Variants in ZNF853 observed in about 807,000 individuals in gnomAD.
ZNF853 encodes the protein zinc finger protein 853.
Under a neutral mutation model 94.7 loss-of-function variants are expected in ZNF853, and 57 were observed. The observed-to-expected ratio is 0.60, with a 90% confidence interval of 0.49 to 0.75. The LOEUF (loss-of-function observed/expected upper bound fraction) is 0.75. Among genes scored for constraint, ZNF853 ranks in the 30% least tolerant of loss-of-function variants. ZNF853 has a pLI of 0.00. For missense variants in ZNF853, 785 were observed against 868.9 expected, an observed-to-expected ratio of 0.90 and a Z score of 1.21; for synonymous variants, 448 against 406.3, an observed-to-expected ratio of 1.10 and a Z score of -1.23.
At position 6,616,034 on chromosome 7, in the gene ZNF853, AGCCCCCGGGGTGGCCCTGC is replaced by A. The variant is rs1782498454; in HGVS notation, c.-137_-119del. On this transcript the variant is annotated 5_prime_UTR_variant, in exon 1 of 3. Transcript: ENST00000457543. ...CGTGGACCCTCCGGAGTGCCCAGAA[AGCCCCCGGGGTGGCCCTGC>A]GCCTCCTGGCTCTTTCTGGATGGAG... is the stretch of plus-strand genomic sequence containing the variant. The A allele has an allele frequency of 5.5e-6, 4 of 720,726 alleles. No homozygotes were observed. In the East Asian group the frequency reaches 1.2e-4, roughly 21 times the overall value. The allele number at this position is 720,726 out of a possible 1,614,324, so 44.6% of individuals were successfully genotyped here. A position where few individuals can be genotyped will look rare whatever the true frequency, so the allele number is the denominator to read the frequency against.
At position 6,622,241 on chromosome 7, in the gene ZNF853, C is replaced by T; in HGVS notation, c.1250C>T (p.Pro417Leu). ...VQPELQLELV[P>L]AAGGGGAAVP... ...CCGGAGCTGCAGCTGGAACTGGTGC[C>T]AGCCGCAGGGGGCGGCGGAGCGGCG... Residue 417 changes from proline (P) to leucine (L), a missense_variant, in exon 3 of 3, where the codon CCA (proline) becomes CTA (leucine). Transcript: ENST00000457543. 1 of 1,526,478 alleles carries T rather than the reference C, an allele frequency of 6.6e-7. No individual in the cohort carries two copies. The highest frequency in any genetic ancestry group is 8.8e-7 in the Non-Finnish European group (1 of 1,140,496). The allele number at this position is 1,526,478 out of a possible 1,614,324, so 94.6% of individuals were successfully genotyped here.
In ZNF853 at chr7:6,621,122, G is replaced by T. The variant is rs542369862; in HGVS notation, c.131G>T (p.Gly44Val). Residue 44 changes from glycine to valine, a missense_variant and splice_region_variant, in exon 3 of 3, where the codon GGT (glycine) becomes GTT (valine). Gly to Val is a moderately radical substitution (Grantham distance 109). Transcript: ENST00000457543. ...DGGPGPDTLS[G>V]GSGGSESQEE... ...TGGCTTCCTGCCATTTCTTCCACAG[G>T]TGGCAGCGGTGGGAGCGAGAGTCAG... 6.8e-7 allele frequency: 1 copy of T among 1,462,898 alleles called. No homozygotes were observed. Among genetic ancestry groups the T allele is most frequent in the South Asian group, 1.5e-5 (1 of 68,130 alleles). The allele number at this position is 1,462,898 out of a possible 1,614,324, so 90.6% of individuals were successfully genotyped here.
At position 6,616,187 on chromosome 7, in the gene ZNF853, G is replaced by C. The variant is rs1475613990; in HGVS notation, c.12+1G>C. 6.5e-7 allele frequency: 1 copy of C among 1,548,056 alleles called. No homozygotes were observed. The highest frequency in any genetic ancestry group is 8.7e-7 in the Non-Finnish European group (1 of 1,144,968). ...CCGGGAGCAGGAAATGCTCCACCAG[G>C]TGAGGCCCAGGGGGTCGTTGGCGCT... is the stretch of plus-strand genomic sequence containing the variant. On this transcript the variant is annotated splice_donor_variant, in intron 1 of 2. Coordinates refer to ENST00000457543, the MANE Select transcript of ZNF853 (RefSeq NM_017560.3). LOFTEE classifies it high-confidence loss of function.
rs1373213637 is a variant in ZNF853 at position 6,615,775 on chromosome 7, G to C, written c.-400G>C. The stretch of plus-strand genomic sequence containing the variant: ...GGGCACCTGTAGCCCCCGAGGACCC[G>C]CGTCGCCTGGCCGCCGCCGACCCCA... On this transcript the variant is annotated 5_prime_UTR_variant, in exon 1 of 3. Coordinates refer to ENST00000457543, the MANE Select transcript of ZNF853 (RefSeq NM_017560.3). This position sits in a 1 kb window ranked among gnomAD's most constrained non-coding sequence, Gnocchi z 8.5. 1 of 123,944 alleles carries C rather than the reference G, an allele frequency of 8.1e-6. No homozygotes were observed. The highest frequency in any genetic ancestry group is 3.0e-5 in the African/African-American group (1 of 33,144). The allele number at this position is 123,944 out of a possible 1,614,324, so 7.7% of individuals were successfully genotyped here. A position where few individuals can be genotyped will look rare whatever the true frequency, so the allele number is the denominator to read the frequency against.
Position 6,622,788 on chromosome 7 carries a change from C to A in ZNF853, c.1797C>A (p.Cys599Ter). 4 of 1,538,612 alleles carry A rather than the reference C, an allele frequency of 2.6e-6. No homozygotes were observed. The highest frequency in any genetic ancestry group is 3.5e-6 in the Non-Finnish European group (4 of 1,146,162). The change falls in exon 3 of 3, where the codon TGC becomes TGA. Residue 599 changes from cysteine to a stop codon, truncating the protein, a stop_gained. Transcript: ENST00000457543. LOFTEE classifies it high-confidence loss of function. ...RTHSGERPYV[C>*]EDCGERFRHK... The stretch of plus-strand genomic sequence containing the variant: ...ACTCGGGCGAGCGGCCCTACGTGTG[C>A]GAGGACTGTGGCGAGCGCTTCCGAC...
chr7:6,621,810 G>C lies in ZNF853; in HGVS notation c.819G>C (p.Gln273His). The C allele has an allele frequency of 6.4e-7, 1 of 1,550,442 alleles. No individual in the cohort carries two copies. Among genetic ancestry groups the C allele is most frequent in the Non-Finnish European group, 8.7e-7 (1 of 1,146,716 alleles). Residue 273 changes from glutamine (Q) to histidine (H), a missense_variant, in exon 3 of 3, where the codon CAG becomes CAC. By Grantham distance (24) the Gln-to-His change is conservative. Transcript: ENST00000457543. The stretch of plus-strand genomic sequence containing the variant: ...AGCTGCTGGAACAGCAGCAGGCACA[G>C]TTACAGCAGCAGCTACTGCTGCAGC... ...QQQLLEQQQA[Q>H]LQQQLLLQQQ...
At position 6,621,985 on chromosome 7, in the gene ZNF853, G is replaced by A; in HGVS notation, c.994G>A (p.Glu332Lys). 6.4e-7 allele frequency: 1 copy of A among 1,550,608 alleles called. No individual in the cohort carries two copies. Among genetic ancestry groups the A allele is most frequent in the Non-Finnish European group, 8.7e-7 (1 of 1,146,916 alleles). Residue 332 changes from glutamate (E) to lysine (K), a missense_variant, in exon 3 of 3, where the codon GAG becomes AAG. By Grantham distance (56) the Glu-to-Lys change is moderately conservative. Coordinates refer to ENST00000457543, the MANE Select transcript of ZNF853 (RefSeq NM_017560.3). ...LELMPVDLGSEQELEQQRQEL... is the reference protein window; with the variant it reads ...LELMPVDLGSKQELEQQRQEL... ...GCTCATGCCGGTGGACCTGGGGTCA[G>A]AGCAGGAGCTGGAGCAGCAGCGGCA...
chr7:6,618,310 A>G, intron 2 of ZNF853, among the ~76,000 whole-genome samples: 7 of 151,996 alleles, frequency 4.6e-5, no homozygotes, highest in African/African-American at 1.2e-4. Flanking sequence ...AAAAAGAAGA[A>G]GAGGAAAAGA....
Position 6,622,636 on chromosome 7 carries a change from C to T in ZNF853, c.1645C>T (p.Arg549Cys). 1.9e-6 allele frequency: 3 copies of T among 1,580,590 alleles called. No homozygotes were observed. The highest frequency in any genetic ancestry group is 2.3e-5 in the South Asian group (2 of 87,268). Residue 549 changes from arginine to cysteine, a missense_variant, in exon 3 of 3, where the codon CGC (arginine) becomes TGC (cysteine). Coordinates refer to ENST00000457543, the MANE Select transcript of ZNF853 (RefSeq NM_017560.3). ...KPYACSYCAK[R>C]FSESSALVQH... is the part of the protein sequence containing the mutation. The stretch of plus-strand genomic sequence containing the variant: ...CTACGCCTGCTCCTACTGCGCCAAG[C>T]GCTTCAGCGAGAGCTCGGCGCTCGT...
At chr7:6,620,738 C>T in intron 2 of ZNF853, among the ~76,000 whole-genome samples, 1 of 152,170 alleles carries the variant, frequency 6.6e-6, no homozygotes, top group Non-Finnish European at 1.5e-5. Context: ...TCTCCTGCCT[C>T]AGCCTCCTTA....
intron 2 of ZNF853, among the ~76,000 whole-genome samples, chr7:6,619,660 T>C: frequency 6.6e-6 from 1 of 152,072 alleles, no homozygotes; most frequent in Non-Finnish European, 1.5e-5. Context: ...CATTACAAAA[T>C]GGAAAACATA....
chr7:6,622,935 C>A lies in ZNF853; in HGVS notation c.1944C>A (p.Ala648=), dbSNP rs1280202537. ...GTGGCCCAGCCCGCGCGGAGCAGGC[C>A]GCTACAGCCACTGCGCCCGCAGACA... ...ALGGPARAEQ[A]ATATAPADKA... is the part of the protein sequence containing the mutation. Residue 648 remains alanine, a synonymous_variant, in exon 3 of 3, where the codon GCC becomes GCA. Transcript: ENST00000457543. 5.6e-5 allele frequency: 70 copies of A among 1,251,778 alleles called. No individual in the cohort carries two copies. Among genetic ancestry groups the A allele is most frequent in the Non-Finnish European group, 6.9e-5 (69 of 1,000,602 alleles). The allele number at this position is 1,251,778 out of a possible 1,614,324, so 77.5% of individuals were successfully genotyped here.
chr7:6,617,187 C>A lies in ZNF853; in HGVS notation c.13-3C>A. On this transcript the variant is annotated splice_polypyrimidine_tract_variant and splice_region_variant and intron_variant, in intron 1 of 2. Transcript: ENST00000457543. ...CTAAACTGCTTCCTTCCTTTCAGCA[C>A]AGCCGACTCCCGGGAATCGGGGTCT... The A allele has an allele frequency of 2.1e-4, 318 of 1,541,682 alleles. 1 individual carries two copies. The highest frequency in any genetic ancestry group is 2.2e-4 in the Non-Finnish European group (247 of 1,143,288).
At chr7:6,620,397 G>A in intron 2 of ZNF853, among the ~76,000 whole-genome samples, 1 of 152,178 alleles carries the variant, frequency 6.6e-6, no homozygotes, top group Admixed American at 6.5e-5. Context: ...CTACTGGAGG[G>A]TGATTAAGCG....
Position 6,621,299 on chromosome 7 carries a change from A to T in ZNF853, c.308A>T (p.Gln103Leu). The change falls in exon 3 of 3, where the codon CAG becomes CTG. Residue 103 changes from glutamine to leucine, a missense_variant. Gln to Leu is a moderately radical substitution (Grantham distance 113). Transcript: ENST00000457543. Reference protein sequence around the residue: ...QLEQQPEPQQQPQHEQLQQPQ... With the variant: ...QLEQQPEPQQLPQHEQLQQPQ... ...GAACAGCAGCCCGAGCCGCAGCAAC[A>T]GCCGCAACACGAGCAGCTGCAACAG... 1 of 1,551,176 alleles carries T rather than the reference A, an allele frequency of 6.4e-7. No homozygotes were observed. Among genetic ancestry groups the T allele is most frequent in the Non-Finnish European group, 8.7e-7 (1 of 1,146,568 alleles).
rs1270401606 is a variant in ZNF853 at position 6,622,386 on chromosome 7, C to A, written c.1395C>A (p.Gly465=). The A allele has an allele frequency of 3.2e-5, 44 of 1,391,638 alleles. No homozygotes were observed. Among genetic ancestry groups the A allele is most frequent in the African/African-American group, 4.7e-5 (3 of 64,388 alleles). The allele number at this position is 1,391,638 out of a possible 1,614,324, so 86.2% of individuals were successfully genotyped here. A position where few individuals can be genotyped will look rare whatever the true frequency, so the allele number is the denominator to read the frequency against. ...TGGTGGCCATCCCGGGCCCGGCAGG[C>A]AGCGCGGCGTTGACCCCTGCACGGC... ...PAVVAIPGPA[G]SAALTPARQR... Residue 465 remains glycine (G), a synonymous_variant, in exon 3 of 3, where the codon GGC becomes GGA. Transcript: ENST00000457543.
Position 6,622,923 on chromosome 7 carries a change from C to A in ZNF853, c.1932C>A (p.Arg644=). ...SRPAALGGPA[R]AEQAATATAP... ...CGGCGGCCCTCGGTGGCCCAGCCCG[C>A]GCGGAGCAGGCCGCTACAGCCACTG... is the stretch of plus-strand genomic sequence containing the variant. Residue 644 remains arginine (R), a synonymous_variant, in exon 3 of 3, where the codon CGC becomes CGA. Coordinates refer to ENST00000457543, the MANE Select transcript of ZNF853 (RefSeq NM_017560.3). 8.0e-7 allele frequency: 1 copy of A among 1,251,110 alleles called. No individual in the cohort carries two copies. Among genetic ancestry groups the A allele is most frequent in the Non-Finnish European group, 1.0e-6 (1 of 1,000,024 alleles). The allele number at this position is 1,251,110 out of a possible 1,614,324, so 77.5% of individuals were successfully genotyped here.
At chr7:6,620,611 C>T in intron 2 of ZNF853, among the ~76,000 whole-genome samples, 1 of 146,972 alleles carries the variant, frequency 6.8e-6, no homozygotes, top group Admixed American at 6.7e-5. Flanking sequence ...CTTTCTTTCT[C>T]TCTCTCTCTT....
rs1782486228 is a variant in ZNF853, at chr7:6,615,730, C to T, written c.-445C>T. The stretch of plus-strand genomic sequence containing the variant: ...CGCCCCGGCCCCCGCGCGGCCCGGC[C>T]CAGGCCGCCCGCAGGCTCCGGGCAC... On this transcript the variant is annotated 5_prime_UTR_variant, in exon 1 of 3. Transcript: ENST00000457543. The surrounding 1 kb of genome is among the most constrained non-coding windows in gnomAD (Gnocchi z 8.5). 3 of 144,200 alleles carry T rather than the reference C, an allele frequency of 2.1e-5. No homozygotes were observed. The South Asian group carries it at 5.8e-4, about 28-fold the overall frequency. The allele number at this position is 144,200 out of a possible 1,614,324, so 8.9% of individuals were successfully genotyped here.
Sources: allele counts gnomAD v4.1 joint callset (sites outside exome capture counted in the v4.1 genomes callset), GRCh38; gene constraint gnomAD v4.1.1; non-coding constraint Gnocchi (gnomAD v3.1); transcripts MANE v1.5; gene names NCBI Gene and HGNC (gene_info 2026-07-23, HGNC 2026-07-21).